Variants in LRP2 observed in about 807,000 individuals in gnomAD.
LRP2 encodes the protein LDL receptor related protein 2.
Under a neutral mutation model 531.0 loss-of-function variants are expected in LRP2, and 172 were observed. That is an observed-to-expected ratio of 0.32 (90% CI 0.29 to 0.37). LRP2 has a LOEUF of 0.37. Among genes scored for constraint, LRP2 ranks in the 10% least tolerant of loss-of-function variants. LRP2 has a pLI of 1.00. For missense variants in LRP2, 5,167 were observed against 5,868.3 expected (o/e 0.88, Z 3.90); for synonymous variants, 1,992 against 2,027.6 (o/e 0.98, Z 0.47).
intron 19 of LRP2, among the ~76,000 whole-genome samples, chr2:169,247,793 A>G (rs1239659022): frequency 6.6e-6 from 1 of 152,164 alleles, no homozygotes; most frequent in East Asian, 1.9e-4. Flanking sequence ...AGTTCTGCAT[A>G]GGTAATAGTG....
At chr2:169,282,832 T>C (rs754692771) in intron 10 of LRP2, 41 bp downstream of exon 10, 2 of 1,596,666 alleles carry the variant, frequency 1.3e-6, no homozygotes, top group Non-Finnish European at 1.7e-6. Context: ...TATTAGAATC[T>C]GTTCACTGTT....
chr2:169,149,985 G>C (rs1456092389), intron 68 of LRP2, among the ~76,000 whole-genome samples: 1 of 152,048 alleles, frequency 6.6e-6, no homozygotes, highest in Non-Finnish European at 1.5e-5. Flanking sequence ...TCACACCATA[G>C]AACACACTGC....
At chr2:169,313,759 C>T (rs1295485277) in intron 3 of LRP2, among the ~76,000 whole-genome samples, 3 of 152,102 alleles carry the variant, frequency 2.0e-5, no homozygotes, top group South Asian at 4.2e-4. Flanking sequence ...AGAAATCACC[C>T]GTCTTCTATG....
At chr2:169,199,401 G>C (rs1015833487) in intron 44 of LRP2, among the ~76,000 whole-genome samples, 1 of 152,162 alleles carries the variant, frequency 6.6e-6, no homozygotes, top group Non-Finnish European at 1.5e-5. Context: ...TGTAGCAAGA[G>C]AGAGATGCTT....
intron 22 of LRP2, 62 bp from the exon 23 acceptor site, chr2:169,243,584 A>G: frequency 6.2e-7 from 1 of 1,605,466 alleles, no homozygotes; most frequent in Non-Finnish European, 8.5e-7. Context: ...ACCAGAGCCA[A>G]ACTAAAAATG....
intron 1 of LRP2, among the ~76,000 whole-genome samples, chr2:169,322,463 G>A (rs1468437711): frequency 1.3e-5 from 2 of 152,202 alleles, no homozygotes; most frequent in African/African-American, 4.8e-5. Flanking sequence ...GTGGTTGGTG[G>A]TGCAGGTCTG....
At chr2:169,343,454 G>C (rs1685618087) in intron 1 of LRP2, among the ~76,000 whole-genome samples, 1 of 152,222 alleles carries the variant, frequency 6.6e-6, no homozygotes, top group Admixed American at 6.5e-5. Context: ...CTAACCAAGA[G>C]CTGGTCAACT....
chr2:169,185,159 G>C (rs557589144), intron 50 of LRP2, among the ~76,000 whole-genome samples: 1 of 152,252 alleles, frequency 6.6e-6, no homozygotes, highest in Admixed American at 6.5e-5. Flanking sequence ...ATCACGCTGG[G>C]CATGTAGGAG....
At chr2:169,148,802 G>A (rs1457197235) in intron 68 of LRP2, among the ~76,000 whole-genome samples, 1 of 152,100 alleles carries the variant, frequency 6.6e-6, no homozygotes. Context: ...TGAACAGCCG[G>A]CCTGGCTCCT....
intron 48 of LRP2, among the ~76,000 whole-genome samples, chr2:169,190,204 T>C (rs1398601063): frequency 2.6e-5 from 4 of 151,926 alleles, no homozygotes; most frequent in Non-Finnish European, 4.4e-5. Context: ...TTATCCACTT[T>C]AGGTGCAAAA....
At chr2:169,237,022 A>G (rs780516048) in intron 28 of LRP2, 81 bp downstream of exon 28, 26 of 1,193,890 alleles carry the variant, frequency 2.2e-5, no homozygotes, top group Non-Finnish European at 3.1e-5. Context: ...AGCAACATGC[A>G]TATCAGCTAC....
chr2:169,172,217 C>T, intron 57 of LRP2, 83 bp from the exon 58 acceptor site: 1 of 1,525,744 alleles, frequency 6.6e-7, no homozygotes, highest in Non-Finnish European at 9.1e-7. Flanking sequence ...GTGAGACAGT[C>T]TGAGAATTGT....
At chr2:169,240,678 T>G (rs1052961197) in intron 25 of LRP2, 1 of 525,892 alleles carries the variant, frequency 1.9e-6, no homozygotes, top group Non-Finnish European at 3.3e-6. Flanking sequence ...TTAGAAAAAT[T>G]AATGAGCACA....
At position 169,362,416 on chromosome 2, in the gene LRP2, G is replaced by A; in HGVS notation, c.-17C>T. ...GCGATCCATCTCCGCGACGGTCCCCGGCCTCGCCGTTCCTTCCCCGGGAGG... is the reference window on the plus strand; with the variant it reads ...GCGATCCATCTCCGCGACGGTCCCCAGCCTCGCCGTTCCTTCCCCGGGAGG... On this transcript the variant is annotated 5_prime_UTR_variant, in exon 1 of 79. Transcript: ENST00000649046. 1.3e-6 allele frequency: 2 copies of A among 1,548,632 alleles called. No homozygotes were observed. The highest frequency in any genetic ancestry group is 1.7e-6 in the Non-Finnish European group (2 of 1,148,900).
At position 169,204,115 on chromosome 2, in the gene LRP2, T is replaced by C. The variant is rs1688294940; in HGVS notation, c.7872A>G (p.Ser2624=). 7 of 1,614,216 alleles carry C rather than the reference T, an allele frequency of 4.3e-6. No individual in the cohort carries two copies. The highest frequency in any genetic ancestry group is 5.9e-6 in the Non-Finnish European group (7 of 1,180,034). Residue 2624 remains serine, a synonymous_variant, in exon 42 of 79, where the codon TCA becomes TCG. Coordinates refer to ENST00000649046, the MANE Select transcript of LRP2 (RefSeq NM_004525.3). ...RIYRANKYDG[S]GQIAMTTNLL... is the part of the protein sequence containing the mutation. The stretch of plus-strand genomic sequence containing the variant: ...AATTTGTGGTCATTGCAATCTGACC[T>C]GACCCGTCATATTTGTTAGCTCGGT...
chr2:169,230,564 A>T (rs1000958035), intron 31 of LRP2, among the ~76,000 whole-genome samples: 2 of 152,204 alleles, frequency 1.3e-5, no homozygotes, highest in African/African-American at 4.8e-5. Context: ...TGATCATTAA[A>T]CATTTAAGTT....
intron 4 of LRP2, among the ~76,000 whole-genome samples, chr2:169,305,875 T>C (rs1470665987): frequency 1.3e-5 from 2 of 152,118 alleles, no homozygotes; most frequent in African/African-American, 4.8e-5. Flanking sequence ...CAATTGCCTG[T>C]AGTATTTAGC....
chr2:169,284,317 T>C (rs112794571), intron 9 of LRP2, among the ~76,000 whole-genome samples: 1,587 of 126,566 alleles, frequency 0.013, 19 homozygotes, highest in African/African-American at 0.044. Flanking sequence ...CAGGCTGGAG[T>C]GCAGTGGCAC....
intron 9 of LRP2, among the ~76,000 whole-genome samples, chr2:169,286,726 T>C (rs892252306): frequency 2.0e-5 from 3 of 152,178 alleles, no homozygotes; most frequent in Admixed American, 1.3e-4. Context: ...ATCACAAGAC[T>C]GAATTAGCGA....
Sources: allele counts gnomAD v4.1 joint callset (sites outside exome capture counted in the v4.1 genomes callset), GRCh38; gene constraint gnomAD v4.1.1; transcripts MANE v1.5; gene names NCBI Gene and HGNC (gene_info 2026-07-23, HGNC 2026-07-21).